Variants in RNF125 observed in about 807,000 individuals in gnomAD.
RNF125 encodes the protein E3 ubiquitin-protein ligase RNF125.
In RNF125, 21 loss-of-function variants were observed where a neutral mutation model predicts 26.0. The observed-to-expected ratio is 0.81, with a 90% CI of 0.57 to 1.16. The LOEUF is 1.16. Ranked by LOEUF, RNF125 falls within the 50% of genes most tolerant of loss-of-function variation. The pLI, the probability that RNF125 is intolerant of heterozygous loss-of-function variation, is 0.00. For synonymous variants in RNF125, 95 were observed against 109.2 expected, an observed-to-expected ratio of 0.87 and a Z score of 0.81; for missense variants, 270 against 299.4, an observed-to-expected ratio of 0.90 and a Z score of 0.72.
intron 5 of RNF125, 22 bp from the exon 6 acceptor site, chr18:32,068,276 T>G (rs2039502207): frequency 7.8e-7 from 1 of 1,289,624 alleles, no homozygotes; most frequent in Non-Finnish European, 1.1e-6. Flanking sequence ...TGAATATTTC[T>G]AATTATTTTT....
At chr18:32,060,269 T>G (rs1009930117) in intron 4 of RNF125, among the ~76,000 whole-genome samples, 2 of 152,170 alleles carry the variant, frequency 1.3e-5, no homozygotes, top group Non-Finnish European at 2.9e-5. Flanking sequence ...CAGGCAGATG[T>G]CCGGTCCCTG....
Position 32,060,400 on chromosome 18 carries a change from G to A in RNF125, c.505-5502G>A, listed in dbSNP as rs565038163. Among the ~76,000 whole-genome samples, 4 of 152,292 alleles carry A rather than the reference G, an allele frequency of 2.6e-5. No homozygotes were observed. The South Asian group carries it at 8.3e-4, about 32-fold the overall frequency. ...TATCACCATGTCTAGTAAGTGGGAG[G>A]CTAATCTTAGAAACAGTTTTCAATT... On this transcript the variant is annotated intron_variant, in intron 4 of 5. Coordinates refer to ENST00000217740, the MANE Select transcript of RNF125 (RefSeq NM_017831.4).
At position 32,057,455 on chromosome 18, in the gene RNF125, C is replaced by T. The variant is rs572692604; in HGVS notation, c.505-8447C>T. The stretch of plus-strand genomic sequence containing the variant: ...GTTTAAGCGATTCTCCTGCCTCAGT[C>T]TCCCGAGTAGCTGGGATTATAGGGG... On this transcript the variant is annotated intron_variant, in intron 4 of 5. Transcript: ENST00000217740. Among the ~76,000 whole-genome samples the T allele has an allele frequency of 2.6e-4, 39 of 151,858 alleles. No individual in the cohort carries two copies. In the East Asian group the frequency reaches 7.0e-3, roughly 27 times the overall value.
intron 1 of RNF125, among the ~76,000 whole-genome samples, chr18:32,032,860 A>AC: frequency 6.6e-6 from 1 of 152,118 alleles, no homozygotes; most frequent in East Asian, 1.9e-4. Context: ...GGCAAAAAAA[A>AC]CCAAAAAAAC....
the RNF125 span, among the ~76,000 whole-genome samples, chr18:32,080,914 C>T: frequency 6.6e-6 from 1 of 151,946 alleles, no homozygotes; most frequent in Admixed American, 6.6e-5. Flanking sequence ...GGGCTGGGCG[C>T]GGTGGTTTAC....
intron 4 of RNF125, among the ~76,000 whole-genome samples, chr18:32,057,616 T>C (rs2039398263): frequency 6.6e-6 from 1 of 152,078 alleles, no homozygotes; most frequent in Non-Finnish European, 1.5e-5. Flanking sequence ...ATTACAGGCA[T>C]GAGCTACCGC....
chr18:32,038,837 C>T (rs1381195247), intron 2 of RNF125, among the ~76,000 whole-genome samples: 1 of 151,996 alleles, frequency 6.6e-6, no homozygotes, highest in South Asian at 2.1e-4. Context: ...GCGATCTCAG[C>T]TCACTGCAGC....
intron 4 of RNF125, among the ~76,000 whole-genome samples, chr18:32,055,837 G>C (rs1300497151): frequency 2.0e-5 from 3 of 151,690 alleles, no homozygotes; most frequent in Non-Finnish European, 4.4e-5. Flanking sequence ...AAATTAGCCG[G>C]GTGTGGTGGC....
At chr18:32,089,871 T>C in the RNF125 span, among the ~76,000 whole-genome samples, 1 of 152,200 alleles carries the variant, frequency 6.6e-6, no homozygotes, top group Non-Finnish European at 1.5e-5. Context: ...TCCCAATGAA[T>C]AATGGGAAAC....
At chr18:32,062,139 A>G (rs1568207829) in intron 4 of RNF125, among the ~76,000 whole-genome samples, 1 of 152,186 alleles carries the variant, frequency 6.6e-6, no homozygotes, top group South Asian at 2.1e-4. Context: ...TATTATCTCC[A>G]TTTCACAGAA....
At chr18:32,065,822 C>T (rs952885841) in intron 4 of RNF125, 80 bp from the exon 5 acceptor site, 134 of 1,006,338 alleles carry the variant, frequency 1.3e-4, no homozygotes, top group Non-Finnish European at 1.2e-4. Context: ...TAAGCCACCG[C>T]GCCCAGCCGT....
the RNF125 span, among the ~76,000 whole-genome samples, chr18:32,086,718 C>T: frequency 1.3e-5 from 2 of 152,072 alleles, no homozygotes; most frequent in South Asian, 2.1e-4. Context: ...CAGGTTTCTC[C>T]GTGTTGGTCA....
Position 32,066,024 on chromosome 18 carries a change from T to A in RNF125, c.612+15T>A. 6.8e-7 allele frequency: 1 copy of A among 1,463,678 alleles called. No individual in the cohort carries two copies. Among genetic ancestry groups the A allele is most frequent in the South Asian group, 1.1e-5 (1 of 87,534 alleles). 90.7% of individuals were successfully genotyped at this position (1,463,678 alleles called of 1,614,324 possible). ...ATGATTTCATAGTAAGTATATTTTC[T>A]TATTTTTACATTATGTTTTCATGCT... is the stretch of plus-strand genomic sequence containing the variant. On this transcript the variant is annotated intron_variant, in intron 5 of 5. Transcript: ENST00000217740.
intron 4 of RNF125, among the ~76,000 whole-genome samples, chr18:32,058,649 A>G (rs2144505999): frequency 6.6e-6 from 1 of 152,114 alleles, no homozygotes; most frequent in South Asian, 2.1e-4. Flanking sequence ...CCTGGCCTAT[A>G]CTCTTAAATG....
chr18:32,061,790 T>C (rs2039437340), intron 4 of RNF125, among the ~76,000 whole-genome samples: 1 of 152,210 alleles, frequency 6.6e-6, no homozygotes, highest in Admixed American at 6.5e-5. Context: ...GATACACTAT[T>C]GAAAGTATCT....
chr18:32,021,768 T>G (rs1442456526), intron 1 of RNF125, among the ~76,000 whole-genome samples: 2 of 152,244 alleles, frequency 1.3e-5, no homozygotes, highest in Non-Finnish European at 2.9e-5. Context: ...ATATTTTTCC[T>G]TCTACTAAAG....
chr18:32,027,341 C>T (rs888671868), intron 1 of RNF125, among the ~76,000 whole-genome samples: 1 of 151,786 alleles, frequency 6.6e-6, no homozygotes, highest in African/African-American at 2.4e-5. Context: ...AAAAATCTTG[C>T]CGAGGGAGTT....
At chr18:32,052,104 G>T (rs951612485) in intron 4 of RNF125, among the ~76,000 whole-genome samples, 2 of 152,174 alleles carry the variant, frequency 1.3e-5, no homozygotes, top group African/African-American at 2.4e-5. Flanking sequence ...CTCCATAGCA[G>T]TTAATTTCCG....
At chr18:32,086,477 G>T in the RNF125 span, among the ~76,000 whole-genome samples, 2 of 150,838 alleles carry the variant, frequency 1.3e-5, no homozygotes, top group East Asian at 1.9e-4. Flanking sequence ...TCAGTCTCCC[G>T]AGTAGCTGGG....
Sources: gnomAD v4.1 joint callset for allele counts (sites outside exome capture counted in the v4.1 genomes callset) on GRCh38, gnomAD v4.1.1 for gene constraint, MANE v1.5 for transcripts, NCBI Gene and HGNC (gene_info 2026-07-23, HGNC 2026-07-21) for gene names.